The following SLC24A2 variants were observed in gnomAD, a reference collection of about 807,000 sequenced individuals.
SLC24A2 encodes the protein solute carrier family 24 member 2.
In SLC24A2, 36 loss-of-function variants were observed where a neutral mutation model predicts 62.0. The ratio of observed to expected loss-of-function variants is 0.58; its 90% CI spans 0.44 to 0.77. The LOEUF is 0.77. Ranked by LOEUF, SLC24A2 falls within the 30% of genes least tolerant of loss-of-function variation. SLC24A2 has a pLI of 0.00. For missense variants in SLC24A2, 846 were observed against 817.9 expected (o/e 1.03, Z -0.42); for synonymous variants, 358 against 294.0 (o/e 1.22, Z -2.23).
At chr9:19,569,081 G>C (rs746956141) in intron 7 of SLC24A2, among the ~76,000 whole-genome samples, 1 of 151,920 alleles carries the variant, frequency 6.6e-6, no homozygotes, top group Non-Finnish European at 1.5e-5. Flanking sequence ...CTTTCTTTCT[G>C]TTTTTTAAGA....
chr9:20,012,653 A>G, the SLC24A2 span, among the ~76,000 whole-genome samples: 1 of 152,234 alleles, frequency 6.6e-6, no homozygotes, highest in South Asian at 2.1e-4. Flanking sequence ...ATCCCCCCAT[A>G]AAACTATTGG....
chr9:19,936,681 G>A, the SLC24A2 span, among the ~76,000 whole-genome samples: 1 of 152,160 alleles, frequency 6.6e-6, no homozygotes, highest in Non-Finnish European at 1.5e-5. Context: ...AACTGTAGAA[G>A]AACTAAAAGT....
At chr9:20,045,339 C>A in the SLC24A2 span, among the ~76,000 whole-genome samples, 6 of 151,978 alleles carry the variant, frequency 3.9e-5, no homozygotes, top group Non-Finnish European at 7.4e-5. Flanking sequence ...GGGAGTCTCC[C>A]TAAGGAAATG....
At chr9:19,989,715 T>C in the SLC24A2 span, among the ~76,000 whole-genome samples, 1 of 152,212 alleles carries the variant, frequency 6.6e-6, no homozygotes, top group Non-Finnish European at 1.5e-5. Context: ...CCTAGACAAC[T>C]ACATGGGTCA....
chr9:20,299,467 A>G, the SLC24A2 span, among the ~76,000 whole-genome samples: 1 of 152,338 alleles, frequency 6.6e-6, no homozygotes, highest in African/African-American at 2.4e-5. Context: ...ATTTCCTGCC[A>G]TGCTTGTGAT....
the SLC24A2 span, among the ~76,000 whole-genome samples, chr9:20,207,549 A>T: frequency 6.6e-6 from 1 of 152,230 alleles, no homozygotes; most frequent in Non-Finnish European, 1.5e-5. Context: ...TTGCACTGCA[A>T]CAATTTGTCT....
chr9:20,082,935 T>C, the SLC24A2 span, among the ~76,000 whole-genome samples: 1 of 152,232 alleles, frequency 6.6e-6, no homozygotes, highest in African/African-American at 2.4e-5. Flanking sequence ...CTCTCTCCTC[T>C]CTGAATTATT....
chr9:19,520,815 G>T, intron 10 of SLC24A2, 79 bp downstream of exon 10: 1 of 1,366,966 alleles, frequency 7.3e-7, no homozygotes, highest in South Asian at 1.2e-5. Context: ...AGAGATCCTG[G>T]TCATGTCTTT....
At chr9:19,693,157 G>A (rs1820090571) in intron 2 of SLC24A2, among the ~76,000 whole-genome samples, 1 of 152,026 alleles carries the variant, frequency 6.6e-6, no homozygotes, top group Non-Finnish European at 1.5e-5. Flanking sequence ...GTGCAGGTTT[G>A]TTACATATGT....
At chr9:20,284,157 C>A in the SLC24A2 span, among the ~76,000 whole-genome samples, 1 of 152,214 alleles carries the variant, frequency 6.6e-6, no homozygotes, top group Admixed American at 6.5e-5. Context: ...CCCTCCTGCC[C>A]CACTCATGCC....
the SLC24A2 span, among the ~76,000 whole-genome samples, chr9:20,244,135 C>G: frequency 2.0e-5 from 3 of 152,104 alleles, no homozygotes; most frequent in African/African-American, 4.8e-5. Context: ...CTCCAAGGAG[C>G]ATCTCTGACT....
At chr9:20,282,707 T>A in the SLC24A2 span, among the ~76,000 whole-genome samples, 1 of 152,222 alleles carries the variant, frequency 6.6e-6, no homozygotes, top group Admixed American at 6.5e-5. Flanking sequence ...TAGATATACA[T>A]TGATTTTCTA....
intron 2 of SLC24A2, among the ~76,000 whole-genome samples, chr9:19,654,437 G>T (rs764559365): frequency 5.9e-5 from 9 of 152,058 alleles, no homozygotes; most frequent in Non-Finnish European, 1.0e-4. Flanking sequence ...GGAGAACATG[G>T]TTTTCTCCTC....
the SLC24A2 span, among the ~76,000 whole-genome samples, chr9:20,114,395 A>T: frequency 1.3e-5 from 2 of 152,180 alleles, no homozygotes; most frequent in African/African-American, 2.4e-5. Flanking sequence ...AACTAGTCCT[A>T]TGCTAAAGGC....
chr9:20,044,511 G>A, the SLC24A2 span, among the ~76,000 whole-genome samples: 4 of 152,032 alleles, frequency 2.6e-5, no homozygotes, highest in Non-Finnish European at 5.9e-5. Context: ...TGGAGTTACC[G>A]CTCATTCCAT....
intron 6 of SLC24A2, among the ~76,000 whole-genome samples, chr9:19,573,911 G>T (rs911663963): frequency 6.6e-6 from 1 of 152,112 alleles, no homozygotes; most frequent in Non-Finnish European, 1.5e-5. Context: ...TTACACCCTG[G>T]ACTGTACCCT....
At chr9:19,935,975 C>T in the SLC24A2 span, among the ~76,000 whole-genome samples, 1 of 152,120 alleles carries the variant, frequency 6.6e-6, no homozygotes, top group African/African-American at 2.4e-5. Flanking sequence ...TTAGGAAGGA[C>T]AAATTTTGAA....
intron 7 of SLC24A2, among the ~76,000 whole-genome samples, chr9:19,560,951 A>G (rs1409019824): frequency 6.7e-6 from 1 of 148,668 alleles, no homozygotes; most frequent in East Asian, 2.0e-4. Context: ...AGAGAGACAG[A>G]GTCTTACTCT....
the SLC24A2 span, among the ~76,000 whole-genome samples, chr9:20,208,827 C>G: frequency 0.54 from 82,255 of 152,064 alleles, 24,154 homozygotes; most frequent in East Asian, 0.86. Flanking sequence ...TTAATGGCTG[C>G]CTCCAGAAAC....
Sources: gnomAD v4.1 joint callset for allele counts (sites outside exome capture counted in the v4.1 genomes callset) on GRCh38, gnomAD v4.1.1 for gene constraint, MANE v1.5 for transcripts, NCBI Gene and HGNC (gene_info 2026-07-23, HGNC 2026-07-21) for gene names.